The following CACFD1 variants were observed in gnomAD, a reference collection of about 807,000 sequenced individuals.
CACFD1 encodes the protein calcium channel flower homolog.
In CACFD1, 26 loss-of-function variants were observed where a neutral mutation model predicts 21.3. The ratio of observed to expected loss-of-function variants is 1.22; its 90% CI spans 0.89 to 1.69. The LOEUF is 1.69. Ranked by LOEUF, CACFD1 falls within the 40% of genes most tolerant of loss-of-function variation. The probability of loss-of-function intolerance (pLI) is 0.00; values close to 1 mark genes in which losing one functional copy is unlikely to be tolerated. For synonymous variants in CACFD1, 121 were observed against 106.6 expected (o/e 1.13, Z -0.83); for missense variants, 265 against 236.2 (o/e 1.12, Z -0.80).
At chr9:133,461,560 T>C (rs781933002) in intron 1 of CACFD1, among the ~76,000 whole-genome samples, 5 of 152,252 alleles carry the variant, frequency 3.3e-5, no homozygotes, top group Admixed American at 6.5e-5. Flanking sequence ...GGAAAGGTCC[T>C]GACTATGGCC....
rs782041063 is a variant in CACFD1 at position 133,468,018 on chromosome 9, C to T, written c.418C>T (p.Leu140=). 2.1e-5 allele frequency: 34 copies of T among 1,613,476 alleles called. No homozygotes were observed. The Admixed American group carries it at 2.8e-4, about 13-fold the overall frequency. ...GGGGGTGCTGTACGGACTCTCTGCT[C>T]TGGGCAAAAAGTGCGTCTGCCAGGC... ...ATGVLYGLSA[L]GKKGDAISYA... Residue 140 remains leucine, a synonymous_variant, in exon 4 of 5, where the codon CTG becomes TTG. Coordinates refer to ENST00000316948, the MANE Select transcript of CACFD1 (RefSeq NM_017586.5).
chr9:133,460,458 C>T (rs1158658436), intron 1 of CACFD1, among the ~76,000 whole-genome samples: 2 of 35,700 alleles, frequency 5.6e-5, no homozygotes, highest in South Asian at 1.6e-3. Flanking sequence ...CCAGAAACCC[C>T]AGGGCGGGGG....
rs1843625619 is a variant in CACFD1 at position 133,470,148 on chromosome 9, TCCGGGGCCACCTTC to T, written c.*1497_*1510del. The T allele has an allele frequency of 6.5e-6, 1 of 153,170 alleles. No homozygotes were observed. Among genetic ancestry groups the T allele is most frequent in the Non-Finnish European group, 1.5e-5 (1 of 68,544 alleles). The allele number at this position is 153,170 out of a possible 1,614,324, so 9.5% of individuals were successfully genotyped here. A position where few individuals can be genotyped will look rare whatever the true frequency, so the allele number is the denominator to read the frequency against. ...GGTGGACATGTGCCTTCAGGGTTCCTCCGGGGCCACCTTCCTCAGGCCAGTGCTGGGTTCAAAGG... is the reference window on the plus strand; with the variant it reads ...GGTGGACATGTGCCTTCAGGGTTCCTCTCAGGCCAGTGCTGGGTTCAAAGG... On this transcript the variant is annotated 3_prime_UTR_variant, in exon 5 of 5. Transcript: ENST00000316948.
At chr9:133,460,312 G>C (rs960532582) in intron 1 of CACFD1, 125 bp downstream of exon 1, 1 of 890,370 alleles carries the variant, frequency 1.1e-6, no homozygotes, top group Non-Finnish European at 1.5e-6. Flanking sequence ...TCTGCCGGGC[G>C]CCTCCCGGGG....
At chr9:133,461,059 C>A (rs2130984322) in intron 1 of CACFD1, among the ~76,000 whole-genome samples, 1 of 152,350 alleles carries the variant, frequency 6.6e-6, no homozygotes. Context: ...TTCCTGTCTG[C>A]CCTCAATCTT....
chr9:133,460,474 C>T (rs1244576662), intron 1 of CACFD1, among the ~76,000 whole-genome samples: 1 of 69,092 alleles, frequency 1.4e-5, no homozygotes, highest in African/African-American at 5.0e-5. Flanking sequence ...GGGGGGGCGG[C>T]GGGGGCGGGG....
Position 133,468,003 on chromosome 9 carries a change from T to C in CACFD1, c.403T>C (p.Tyr135His). The change falls in exon 4 of 5, where the codon TAC becomes CAC. Residue 135 changes from tyrosine (Y) to histidine (H), a missense_variant. Coordinates refer to ENST00000316948, the MANE Select transcript of CACFD1 (RefSeq NM_017586.5). ...CATCGCCTTTGCTACGGGGGTGCTG[T>C]ACGGACTCTCTGCTCTGGGCAAAAA... ...NAIAFATGVL[Y>H]GLSALGKKGD... 6.2e-7 allele frequency: 1 copy of C among 1,613,892 alleles called. No homozygotes were observed. The highest frequency in any genetic ancestry group is 8.5e-7 in the Non-Finnish European group (1 of 1,179,960).
At chr9:133,468,070 C>T (rs587727708) in intron 4 of CACFD1, 42 bp downstream of exon 4, 10 of 1,515,840 alleles carry the variant, frequency 6.6e-6, no homozygotes, top group Non-Finnish European at 9.1e-6. Context: ...GCCTTCCTCC[C>T]TCCGCCCCCC....
Position 133,463,538 on chromosome 9 carries a change from G to T in CACFD1, c.177G>T (p.Ala59=). The change falls in exon 2 of 5, where the codon GCG becomes GCT. Residue 59 remains alanine, a synonymous_variant. Coordinates refer to ENST00000316948, the MANE Select transcript of CACFD1 (RefSeq NM_017586.5). ...NCITIHPLNI[A]AGVWMIMNAF... is the part of the protein sequence containing the mutation. ...TCACCATCCACCCTCTGAACATTGCGGCCGGCGTGTGGATGATGTGAGTAA... is the reference window on the plus strand; with the variant it reads ...TCACCATCCACCCTCTGAACATTGCTGCCGGCGTGTGGATGATGTGAGTAA... The T allele has an allele frequency of 6.2e-7, 1 of 1,614,032 alleles. No individual in the cohort carries two copies. Among genetic ancestry groups the T allele is most frequent in the Non-Finnish European group, 8.5e-7 (1 of 1,179,988 alleles).
intron 1 of CACFD1, chr9:133,462,354 G>C: frequency 8.3e-7 from 1 of 1,212,030 alleles, no homozygotes; most frequent in Non-Finnish European, 1.1e-6. Flanking sequence ...GCTGTGCTGA[G>C]GAGCAGTGCA....
chr9:133,462,875 G>A (rs1037010721), intron 1 of CACFD1, among the ~76,000 whole-genome samples: 1 of 152,266 alleles, frequency 6.6e-6, no homozygotes, highest in Admixed American at 6.5e-5. Flanking sequence ...ATGTGCAAGA[G>A]GAGAAACGGG....
rs1022170525 is a variant in CACFD1, at chr9:133,460,084, G to T, written c.18G>T (p.Gly6=). Residue 6 remains glycine, a synonymous_variant, in exon 1 of 5, where the codon GGG becomes GGT. Coordinates refer to ENST00000316948, the MANE Select transcript of CACFD1 (RefSeq NM_017586.5). MSSSG[G]APGASASSAP... is the part of the protein sequence containing the mutation. The stretch of plus-strand genomic sequence containing the variant: ...GTGGCACCATGAGCAGCTCAGGTGG[G>T]GCGCCCGGGGCGTCCGCCAGCTCTG... 2 of 1,562,606 alleles carry T rather than the reference G, an allele frequency of 1.3e-6. No homozygotes were observed. The highest frequency in any genetic ancestry group is 2.7e-5 in the African/African-American group (2 of 72,936).
rs587762615 is a variant in CACFD1, at chr9:133,467,712, G to A, written c.321-209G>A. 2.4e-4 allele frequency among the ~76,000 whole-genome samples: 37 copies of A among 152,356 alleles called. No individual in the cohort carries two copies. The East Asian group carries it at 6.2e-3, about 25-fold the overall frequency. ...AGACCCCTTCAAAAATCTGATGAAAGCTTTGGATCCTATTCCCAGAATGGA... is the reference window on the plus strand; with the variant it reads ...AGACCCCTTCAAAAATCTGATGAAAACTTTGGATCCTATTCCCAGAATGGA... On this transcript the variant is annotated intron_variant, in intron 3 of 4. Coordinates refer to ENST00000316948, the MANE Select transcript of CACFD1 (RefSeq NM_017586.5).
At chr9:133,468,143 G>A in intron 4 of CACFD1, 115 bp downstream of exon 4, 1 of 1,043,408 alleles carries the variant, frequency 9.6e-7, no homozygotes, top group South Asian at 1.5e-5. Flanking sequence ...CCGAGGCAGA[G>A]GTCCCAGTAA....
At position 133,465,340 on chromosome 9, in the gene CACFD1, G is replaced by A. The variant is rs1588228353; in HGVS notation, c.213G>A (p.Leu71=). The change falls in exon 3 of 5, where the codon TTG becomes TTA. Residue 71 remains leucine (L), a synonymous_variant. Transcript: ENST00000316948. The surrounding 1 kb of genome is among the most constrained non-coding windows in gnomAD (Gnocchi z 5.0). ...CCTGCAGCATGAATGCCTTCATCTT[G>A]TTGCTGTGTGAGGCGCCCTTCTGCT... is the stretch of plus-strand genomic sequence containing the variant. ...GVWMIMNAFI[L]LLCEAPFCCQ... 5.6e-6 allele frequency: 9 copies of A among 1,613,964 alleles called. No individual in the cohort carries two copies. The highest frequency in any genetic ancestry group is 2.2e-5 in the East Asian group (1 of 44,888).
chr9:133,468,302 C>T, intron 4 of CACFD1: 5 of 1,522,900 alleles, frequency 3.3e-6, no homozygotes, highest in Non-Finnish European at 4.4e-6. Flanking sequence ...CAGGTCTGCA[C>T]CGGGCATTGT....
rs1338163312 is a variant in CACFD1 at position 133,469,643 on chromosome 9, G to A, written c.*990G>A. The A allele has an allele frequency of 1.3e-5, 2 of 152,334 alleles. No homozygotes were observed. The highest frequency in any genetic ancestry group is 4.8e-5 in the African/African-American group (2 of 41,452). The allele number at this position is 152,334 out of a possible 1,614,324, so 9.4% of individuals were successfully genotyped here. On this transcript the variant is annotated 3_prime_UTR_variant, in exon 5 of 5. Transcript: ENST00000316948. ...CTGTCCGGAGCCAGGCCTACCCAGG[G>A]AGGATGCAGAGAGCTGGTGCCCAGG...
intron 1 of CACFD1, among the ~76,000 whole-genome samples, chr9:133,460,402 C>A (rs1843107280): frequency 8.7e-6 from 1 of 114,508 alleles, no homozygotes; most frequent in South Asian, 3.3e-4. Context: ...GCCTTGGTAC[C>A]CCGGGCTGGG....
In CACFD1 at chr9:133,460,020, T is replaced by G; in HGVS notation, c.-47T>G. ...GCGCGCCGGCTCGGACGCGGCCGGCTACCGAGCCCTTTGTGAGGGCTGTGA... is the reference window on the plus strand; with the variant it reads ...GCGCGCCGGCTCGGACGCGGCCGGCGACCGAGCCCTTTGTGAGGGCTGTGA... On this transcript the variant is annotated 5_prime_UTR_variant, in exon 1 of 5. Transcript: ENST00000316948. 10 of 1,490,016 alleles carry G rather than the reference T, an allele frequency of 6.7e-6. No individual in the cohort carries two copies. The highest frequency in any genetic ancestry group is 8.9e-6 in the Non-Finnish European group (10 of 1,120,548). 92.3% of individuals were successfully genotyped at this position (1,490,016 alleles called of 1,614,324 possible).
Sources: gnomAD v4.1 joint callset for allele counts (sites outside exome capture counted in the v4.1 genomes callset) on GRCh38, gnomAD v4.1.1 for gene constraint, Gnocchi (gnomAD v3.1) non-coding constraint, MANE v1.5 for transcripts, NCBI Gene and HGNC (gene_info 2026-07-23, HGNC 2026-07-21) for gene names.